The following ITGB3BP variants were observed in gnomAD, a reference collection of about 807,000 sequenced individuals.
ITGB3BP encodes the protein integrin subunit beta 3 binding protein.
In ITGB3BP, 27 loss-of-function variants were observed where a neutral mutation model predicts 29.1. The ratio of observed to expected loss-of-function variants is 0.93; its 90% CI spans 0.68 to 1.28. The LOEUF (loss-of-function observed/expected upper bound fraction) is 1.28. Among genes scored for constraint, ITGB3BP ranks in the 50% most tolerant of loss-of-function variants. ITGB3BP has a pLI of 0.00. For synonymous variants in ITGB3BP, 61 were observed against 61.4 expected (o/e 0.99, Z 0.03); for missense variants, 192 against 200.2 (o/e 0.96, Z 0.25).
chr1:63,494,291 G>C (rs1172238684), intron 2 of ITGB3BP, among the ~76,000 whole-genome samples: 3 of 152,068 alleles, frequency 2.0e-5, no homozygotes, highest in African/African-American at 7.2e-5. Context: ...GCTAATTTGT[G>C]TATTTTTAGT....
intron 2 of ITGB3BP, among the ~76,000 whole-genome samples, chr1:63,500,334 C>T (rs1041190733): frequency 8.6e-5 from 13 of 151,858 alleles, no homozygotes; most frequent in Non-Finnish European, 1.5e-4. Context: ...GCTGGGATCG[C>T]GCCATTGCAC....
At chr1:63,510,442 G>A (rs1302583282) in intron 1 of ITGB3BP, among the ~76,000 whole-genome samples, 4 of 152,056 alleles carry the variant, frequency 2.6e-5, no homozygotes, top group Admixed American at 6.6e-5. Flanking sequence ...AAGGAAATAC[G>A]TAAAAAATAG....
At chr1:63,518,152 A>T (rs1646375911) in intron 1 of ITGB3BP, among the ~76,000 whole-genome samples, 2 of 152,194 alleles carry the variant, frequency 1.3e-5, no homozygotes. Flanking sequence ...TATTATCTAT[A>T]GGTTTTTCAA....
chr1:63,526,507 T>A (rs186415905), upstream of ITGB3BP, among the ~76,000 whole-genome samples: 17 of 152,340 alleles, frequency 1.1e-4, no homozygotes, highest in East Asian at 3.3e-3. Flanking sequence ...TGCAGCAGTG[T>A]CTTGAGTTTG....
Position 63,482,829 on chromosome 1 carries a change from T to C in ITGB3BP, c.185-3996A>G, listed in dbSNP as rs564234495. Among the ~76,000 whole-genome samples, 6 of 152,114 alleles carry C rather than the reference T, an allele frequency of 3.9e-5. No individual in the cohort carries two copies. In the South Asian group the frequency reaches 1.2e-3, roughly 32 times the overall value. Reference sequence around the variant, plus strand: ...CCACCACGCCTGGCTAATTTTTGTATTTTTAGTAGAGACTGGGTTTTGCCA... The same window carrying C: ...CCACCACGCCTGGCTAATTTTTGTACTTTTAGTAGAGACTGGGTTTTGCCA... On this transcript the variant is annotated intron_variant, in intron 3 of 8. Coordinates refer to ENST00000271002, the MANE Select transcript of ITGB3BP (RefSeq NM_014288.5).
chr1:63,490,596 T>C (rs1645625028), intron 2 of ITGB3BP, among the ~76,000 whole-genome samples: 1 of 152,190 alleles, frequency 6.6e-6, no homozygotes, highest in Admixed American at 6.5e-5. Flanking sequence ...AGGTGCCTAT[T>C]ACTAAGCCTC....
chr1:63,453,272 G>T (rs1644887036), intron 7 of ITGB3BP, among the ~76,000 whole-genome samples: 3 of 152,132 alleles, frequency 2.0e-5, no homozygotes, highest in Non-Finnish European at 1.5e-5. Context: ...TGAAAACACG[G>T]CCACCCATTT....
At chr1:63,522,935 A>C (rs1272472048) in intron 1 of ITGB3BP, 194 bp downstream of exon 1, 1 of 773,926 alleles carries the variant, frequency 1.3e-6, no homozygotes. Flanking sequence ...AAAGCGAAGG[A>C]GGACTATCGT....
At chr1:63,441,592 G>T (rs987912520) in intron 8 of ITGB3BP, among the ~76,000 whole-genome samples, 1 of 151,876 alleles carries the variant, frequency 6.6e-6, no homozygotes, top group Non-Finnish European at 1.5e-5. Context: ...CTCTGACATA[G>T]CACTCAGTAT....
At chr1:63,472,285 G>T (rs1169501334) in intron 4 of ITGB3BP, among the ~76,000 whole-genome samples, 3 of 151,034 alleles carry the variant, frequency 2.0e-5, no homozygotes, top group African/African-American at 7.3e-5. Context: ...CTCCATCAAG[G>T]TACTGAAGCT....
chr1:63,498,414 A>C (rs1645842763), intron 2 of ITGB3BP, among the ~76,000 whole-genome samples: 2 of 152,208 alleles, frequency 1.3e-5, no homozygotes, highest in Admixed American at 6.5e-5. Context: ...AAGAAAACTT[A>C]GAAAATACAC....
At chr1:63,480,600 C>T (rs1368557338) in intron 3 of ITGB3BP, among the ~76,000 whole-genome samples, 1 of 151,738 alleles carries the variant, frequency 6.6e-6, no homozygotes, top group Non-Finnish European at 1.5e-5. Flanking sequence ...ATAATAATTC[C>T]TCTCATTGTT....
intron 1 of ITGB3BP, 136 bp downstream of exon 1, chr1:63,522,993 G>A (rs145352158): frequency 1.5e-4 from 144 of 977,718 alleles, no homozygotes; most frequent in African/African-American, 1.5e-3. Context: ...CAAGCGAAGG[G>A]AATTGCCTGT....
At chr1:63,485,785 A>G (rs923993103) in intron 3 of ITGB3BP, among the ~76,000 whole-genome samples, 4 of 152,004 alleles carry the variant, frequency 2.6e-5, no homozygotes, top group South Asian at 2.1e-4. Context: ...GAGTCTACTG[A>G]TATAGATAAG....
chr1:63,522,509 T>C (rs1646476693), intron 1 of ITGB3BP, among the ~76,000 whole-genome samples: 2 of 152,160 alleles, frequency 1.3e-5, no homozygotes. Context: ...CAATATAGGA[T>C]GGATGAAGGA....
chr1:63,452,828 G>A (rs1297463475), intron 7 of ITGB3BP, among the ~76,000 whole-genome samples: 1 of 152,044 alleles, frequency 6.6e-6, no homozygotes, highest in East Asian at 1.9e-4. Context: ...CTGGCCTTTA[G>A]ATCTGACTGG....
At chr1:63,458,655 C>T (rs72679026) in intron 4 of ITGB3BP, among the ~76,000 whole-genome samples, 2,819 of 152,100 alleles carry the variant, frequency 0.019, 37 homozygotes, top group Middle Eastern at 0.041. Flanking sequence ...TTTTGATTTC[C>T]CTCCTTTTTT....
intron 2 of ITGB3BP, among the ~76,000 whole-genome samples, chr1:63,502,577 A>AT (rs1421989080): frequency 1.3e-5 from 2 of 150,438 alleles, no homozygotes; most frequent in Non-Finnish European, 2.9e-5. Context: ...GGTTAGTTAC[A>AT]TATGTATACA....
rs370521707 is a variant in ITGB3BP at position 63,468,402 on chromosome 1, C to T, written c.254+10362G>A. Reference sequence around the variant, plus strand: ...TGGGCAGACAAAATAAGATAGTAAACCATAGTGTCAGTTACTCTAGTACAA... The same window carrying T: ...TGGGCAGACAAAATAAGATAGTAAATCATAGTGTCAGTTACTCTAGTACAA... On this transcript the variant is annotated intron_variant, in intron 4 of 8. Transcript: ENST00000271002. Among the ~76,000 whole-genome samples, 7 of 152,124 alleles carry T rather than the reference C, an allele frequency of 4.6e-5. No individual in the cohort carries two copies. In the East Asian group the frequency reaches 1.3e-3, roughly 29 times the overall value.
Sources: allele counts gnomAD v4.1 joint callset (sites outside exome capture counted in the v4.1 genomes callset), GRCh38; gene constraint gnomAD v4.1.1; transcripts MANE v1.5; gene names NCBI Gene and HGNC (gene_info 2026-07-23, HGNC 2026-07-21).